Variants in CES2 observed in about 807,000 individuals in gnomAD.
The protein encoded by CES2 is cocaine esterase.
In CES2, 42 loss-of-function variants were observed where a neutral mutation model predicts 52.1. The observed-to-expected ratio is 0.81, with a 90% CI of 0.63 to 1.04. The LOEUF is 1.04. Ranked by LOEUF, CES2 falls within the 50% of genes least tolerant of loss-of-function variation. CES2 has a pLI of 0.00. For synonymous variants in CES2, 277 were observed against 289.6 expected (o/e 0.96, Z 0.44); for missense variants, 656 against 724.3 (o/e 0.91, Z 1.08).
chr16:66,940,397 C>T, intron 4 of CES2, 40 bp from the exon 5 acceptor site: 1 of 1,613,968 alleles, frequency 6.2e-7, no homozygotes, highest in Non-Finnish European at 8.5e-7. Context: ...CTGAGCGGGG[C>T]CAGGACAGCC....
chr16:66,940,231 TG>T lies in CES2; in HGVS notation c.435del (p.Trp145Ter), dbSNP rs760010628. ...GCCTTGATTTCCCCAGGTGATGGTG[TG>T]GATCCACGGTGGTGCGCTTGTTTTT... Reference protein sequence around the residue: ...HEGSNLPVMVWIHGGALVFGM... With the variant: ...HEGSNLPVMVXIHGGALVFGM... On this transcript the variant is annotated frameshift_variant, in exon 4 of 12. Coordinates refer to ENST00000317091, the MANE Select transcript of CES2 (RefSeq NM_001365405.1). LOFTEE classifies it high-confidence loss of function. 1 of 1,613,980 alleles carries T rather than the reference TG, an allele frequency of 6.2e-7. No individual in the cohort carries two copies. Among genetic ancestry groups the T allele is most frequent in the East Asian group, 2.2e-5 (1 of 44,876 alleles).
Position 66,938,165 on chromosome 16 carries a change from G to A in CES2, c.205G>A (p.Gly69Ser). 1 of 1,614,190 alleles carries A rather than the reference G, an allele frequency of 6.2e-7. No homozygotes were observed. Among genetic ancestry groups the A allele is most frequent in the Non-Finnish European group, 8.5e-7 (1 of 1,180,030 alleles). ...LGIPFAKPPLGPLRFAPPEPP... is the reference protein window; with the variant it reads ...LGIPFAKPPLSPLRFAPPEPP... ...AATTCCATTTGCCAAGCCACCTCTA[G>A]GTCCGCTGCGATTTGCACCCCCTGA... The change falls in exon 2 of 12, where the codon GGT (glycine) becomes AGT (serine). Residue 69 changes from glycine to serine, a missense_variant. Physicochemically the swap from Gly to Ser is moderately conservative, Grantham distance 56. Coordinates refer to ENST00000317091, the MANE Select transcript of CES2 (RefSeq NM_001365405.1).
At chr16:66,942,954 G>A (rs944833179) in intron 10 of CES2, among the ~76,000 whole-genome samples, 169 bp downstream of exon 10, 2 of 152,188 alleles carry the variant, frequency 1.3e-5, no homozygotes, top group African/African-American at 4.8e-5. Flanking sequence ...TAGAATTCAC[G>A]ACTCTTCAGA....
chr16:66,941,245 G>A, intron 6 of CES2, 23 bp downstream of exon 6: 2 of 1,612,798 alleles, frequency 1.2e-6, no homozygotes, highest in East Asian at 2.2e-5. Context: ...GGATGTGGGT[G>A]TAGAGGAAGG....
In CES2 at chr16:66,939,334, TAGCCATGAAGGC is replaced by T; in HGVS notation, c.400_411del (p.His135_Ser138del). 1 of 1,614,050 alleles carries T rather than the reference TAGCCATGAAGGC, an allele frequency of 6.2e-7. No homozygotes were observed. The highest frequency in any genetic ancestry group is 8.5e-7 in the Non-Finnish European group (1 of 1,179,952). On this transcript the variant is annotated inframe_deletion, in exon 3 of 12. Coordinates refer to ENST00000317091, the MANE Select transcript of CES2 (RefSeq NM_001365405.1). ...ACCTCAGCATCTACACGCCGGCCCA[TAGCCATGAAGGC>T]TCTAACCTGCCGGTGGGTGTCAGGC... is the stretch of plus-strand genomic sequence containing the variant.
At position 66,940,260 on chromosome 16, in the gene CES2, C is replaced by T. The variant is rs1190392550; in HGVS notation, c.462C>T (p.Gly154=). The change falls in exon 4 of 12, where the codon GGC becomes GGT. Residue 154 remains glycine, a synonymous_variant. Coordinates refer to ENST00000317091, the MANE Select transcript of CES2 (RefSeq NM_001365405.1). ...TCCACGGTGGTGCGCTTGTTTTTGGCATGGCTTCCTTGTATGATGGTTCCA... is the reference window on the plus strand; with the variant it reads ...TCCACGGTGGTGCGCTTGTTTTTGGTATGGCTTCCTTGTATGATGGTTCCA... The part of the protein sequence containing the change: ...VWIHGGALVF[G]MASLYDGSML... 1 of 1,580,844 alleles carries T rather than the reference C, an allele frequency of 6.3e-7. No individual in the cohort carries two copies. The highest frequency in any genetic ancestry group is 2.3e-5 in the East Asian group (1 of 43,312).
chr16:66,941,893 C>T (rs372505897), intron 8 of CES2, 45 bp downstream of exon 8: 2 of 1,612,248 alleles, frequency 1.2e-6, no homozygotes, highest in African/African-American at 2.7e-5. Context: ...GGCTCCTCTC[C>T]TGTCCTGAGA....
At position 66,935,719 on chromosome 16, in the gene CES2, T is replaced by C. The variant is rs1287233534; in HGVS notation, c.76+8T>C. 3 of 1,599,330 alleles carry C rather than the reference T, an allele frequency of 1.9e-6. No homozygotes were observed. The highest frequency in any genetic ancestry group is 1.3e-5 in the African/African-American group (1 of 74,858). On this transcript the variant is annotated splice_region_variant and intron_variant, in intron 1 of 11. Coordinates refer to ENST00000317091, the MANE Select transcript of CES2 (RefSeq NM_001365405.1). Reference sequence around the variant, plus strand: ...TTCTTGTCCGGGGCCAGGGTGAGGCTCCCTCGGAGGGGCGACAGGGACCGG... The same window carrying C: ...TTCTTGTCCGGGGCCAGGGTGAGGCCCCCTCGGAGGGGCGACAGGGACCGG...
chr16:66,940,074 G>T (rs1963317305), intron 3 of CES2, 148 bp from the exon 4 acceptor site: 3 of 1,064,082 alleles, frequency 2.8e-6, no homozygotes, highest in Non-Finnish European at 4.0e-6. Flanking sequence ...TAGATCTTGG[G>T]TGCCTAACCA....
rs1217145880 is a variant in CES2 at position 66,938,052 on chromosome 16, G to A, written c.92G>A (p.Ser31Asn). 2 of 1,614,188 alleles carry A rather than the reference G, an allele frequency of 1.2e-6. No individual in the cohort carries two copies. Among genetic ancestry groups the A allele is most frequent in the African/African-American group, 1.3e-5 (1 of 75,066 alleles). Reference sequence around the variant, plus strand: ...CTGCCCACAGGCCAGGACTCAGCCAGTCCCATCCGGACCACACACACGGGG... The same window carrying A: ...CTGCCCACAGGCCAGGACTCAGCCAATCCCATCCGGACCACACACACGGGG... ...LVRGQGQDSA[S>N]PIRTTHTGQV... Residue 31 changes from serine (S) to asparagine (N), a missense_variant, in exon 2 of 12, where the codon AGT becomes AAT. Transcript: ENST00000317091.
intron 6 of CES2, 124 bp from the exon 7 acceptor site, chr16:66,941,382 C>T: frequency 6.6e-7 from 1 of 1,519,072 alleles, no homozygotes; most frequent in South Asian, 1.3e-5. Flanking sequence ...CTGAGCCAAA[C>T]AGTAATCTCC....
In CES2 at chr16:66,942,705, A is replaced by T. The variant is rs1289537518; in HGVS notation, c.1340A>T (p.Asn447Ile). 3 of 1,614,194 alleles carry T rather than the reference A, an allele frequency of 1.9e-6. No individual in the cohort carries two copies. The South Asian group carries it at 3.3e-5, about 18-fold the overall frequency. Residue 447 changes from asparagine (N) to isoleucine (I), a missense_variant, in exon 10 of 12, where the codon AAC becomes ATC. Asn to Ile is a moderately radical substitution (Grantham distance 149, BLOSUM62 -3). Coordinates refer to ENST00000317091, the MANE Select transcript of CES2 (RefSeq NM_001365405.1). ...CAGCATCAGCCCAGCTGGCTCAAGA[A>T]CATCAGGCCACCGCACATGAAGGCA... Reference protein sequence around the residue: ...EFQHQPSWLKNIRPPHMKADH... With the variant: ...EFQHQPSWLKIIRPPHMKADH...
Position 66,944,157 on chromosome 16 carries a change from A to G in CES2, c.*132A>G. 1 of 520,356 alleles carries G rather than the reference A, an allele frequency of 1.9e-6. No homozygotes were observed. The highest frequency in any genetic ancestry group is 3.4e-6 in the Non-Finnish European group (1 of 296,782). The allele number at this position is 520,356 out of a possible 1,614,324, so 32.2% of individuals were successfully genotyped here. A position where few individuals can be genotyped will look rare whatever the true frequency, so the allele number is the denominator to read the frequency against. On this transcript the variant is annotated 3_prime_UTR_variant, in exon 12 of 12. Coordinates refer to ENST00000317091, the MANE Select transcript of CES2 (RefSeq NM_001365405.1). ...TCGCCATTCATTCATACTTCCGTCC[A>G]TCCATTCAGAAAGCATTTATTAAGA...
chr16:66,943,256 T>G lies in CES2; in HGVS notation c.1421-43T>G, dbSNP rs2145510694. On this transcript the variant is annotated intron_variant, in intron 10 of 11. Transcript: ENST00000317091. The surrounding 1 kb of genome is among the most constrained non-coding windows in gnomAD (Gnocchi z 4.2). Reference sequence around the variant, plus strand: ...ACGAGCTCCACCTGGGATGCTGAGGTTGGACATCCTGATGAAGACACATGT... The same window carrying G: ...ACGAGCTCCACCTGGGATGCTGAGGGTGGACATCCTGATGAAGACACATGT... 1.3e-6 allele frequency: 2 copies of G among 1,598,762 alleles called. No individual in the cohort carries two copies. The highest frequency in any genetic ancestry group is 1.7e-6 in the Non-Finnish European group (2 of 1,167,294).
chr16:66,943,421 C>G lies in CES2; in HGVS notation c.1493+50C>G. 1.9e-6 allele frequency: 3 copies of G among 1,593,872 alleles called. No homozygotes were observed. The highest frequency in any genetic ancestry group is 2.6e-6 in the Non-Finnish European group (3 of 1,162,340). On this transcript the variant is annotated intron_variant, in intron 11 of 11. Transcript: ENST00000317091. The surrounding 1 kb of genome is among the most constrained non-coding windows in gnomAD (Gnocchi z 4.2). ...ACCTCCCCGATTGGGGGACTTGTGC[C>G]CATCCAGTGCTCTCCTAGTCTGGGG... is the stretch of plus-strand genomic sequence containing the variant.
In CES2 at chr16:66,942,781, C is replaced by A. The variant is rs1312796585; in HGVS notation, c.1416C>A (p.Asn472Lys). 1.2e-6 allele frequency: 2 copies of A among 1,614,240 alleles called. No homozygotes were observed. Among genetic ancestry groups the A allele is most frequent in the Non-Finnish European group, 1.7e-6 (2 of 1,180,044 alleles). Residue 472 changes from asparagine (N) to lysine (K), a missense_variant, in exon 10 of 12, where the codon AAC becomes AAA. Transcript: ENST00000317091. ...PFVFRSFFGG[N>K]YIKFTEEEEQ... ...TTTTCAGAAGTTTCTTTGGGGGCAA[C>A]TACAGTGAGTCTTCTTCCTTTCCCG...
At chr16:66,941,984 G>T in intron 8 of CES2, 121 bp from the exon 9 acceptor site, 1 of 1,511,078 alleles carries the variant, frequency 6.6e-7, no homozygotes, top group Non-Finnish European at 9.0e-7. Flanking sequence ...GTTTAGGGGT[G>T]GGGTCACCTC....
chr16:66,935,214 A>C (rs570020521), upstream of CES2: 79 of 459,590 alleles, frequency 1.7e-4, no homozygotes, highest in African/African-American at 1.2e-3. Context: ...GAACGTGCAC[A>C]TCCTCAGAGA....
In CES2 at chr16:66,941,590, C is replaced by A. The variant is rs963541571; in HGVS notation, c.1000C>A (p.Pro334Thr). Residue 334 changes from proline (P) to threonine (T), a missense_variant, in exon 7 of 12, where the codon CCT (proline) becomes ACT (threonine). Coordinates refer to ENST00000317091, the MANE Select transcript of CES2 (RefSeq NM_001365405.1). ...QELLASADFQ[P>T]VPSIVGVNNN... The stretch of plus-strand genomic sequence containing the variant: ...GCTGCTGGCCTCTGCCGACTTTCAG[C>A]CTGTCCCTAGCATTGTTGGTGTCAA... The A allele has an allele frequency of 1.2e-6, 2 of 1,614,150 alleles. No individual in the cohort carries two copies. Among genetic ancestry groups the A allele is most frequent in the Non-Finnish European group, 1.7e-6 (2 of 1,180,020 alleles).
Sources: allele counts gnomAD v4.1 joint callset (sites outside exome capture counted in the v4.1 genomes callset), GRCh38; gene constraint gnomAD v4.1.1; non-coding constraint Gnocchi (gnomAD v3.1); transcripts MANE v1.5; gene names NCBI Gene and HGNC (gene_info 2026-07-23, HGNC 2026-07-21).